The following ACTN4 variants were observed in gnomAD, a reference collection of about 807,000 sequenced individuals.
ACTN4 encodes actinin alpha 4, also known as alpha-actinin-4.
Under a neutral mutation model 114.2 loss-of-function variants are expected in ACTN4, and 18 were observed. The ratio of observed to expected loss-of-function variants is 0.16; its 90% CI spans 0.11 to 0.23. ACTN4 has a LOEUF of 0.23. ACTN4 is among the 10% of genes least tolerant of loss of function. The pLI is 1.00. For missense variants in ACTN4, 722 were observed against 1,262.9 expected (o/e 0.57, Z 6.49); for synonymous variants, 515 against 506.3 (o/e 1.02, Z -0.23).
intron 1 of ACTN4, among the ~76,000 whole-genome samples, chr19:38,673,528 CATATATACTT>C (rs1568689704): frequency 1.9e-4 from 12 of 63,196 alleles, no homozygotes; most frequent in African/African-American, 6.0e-4. Context: ...TATATATATT[CATATATACTT>C]ATATATATTT....
In ACTN4 at chr19:38,714,572, C is replaced by T. The variant is rs748766366; in HGVS notation, c.912+11C>T. The T allele has an allele frequency of 1.1e-5, 18 of 1,613,594 alleles. No homozygotes were observed. The highest frequency in any genetic ancestry group is 1.7e-5 in the Admixed American group (1 of 60,006). On this transcript the variant is annotated intron_variant, in intron 9 of 20. Coordinates refer to ENST00000252699, the MANE Select transcript of ACTN4 (RefSeq NM_004924.6). Reference sequence around the variant, plus strand: ...AAGCTGGCCAGCGACGTGAGTGTTCCCCCAGTGAAAGTCAGGGCCACCTCA... The same window carrying T: ...AAGCTGGCCAGCGACGTGAGTGTTCTCCCAGTGAAAGTCAGGGCCACCTCA...
At chr19:38,698,039 A>G (rs1002055055) in intron 1 of ACTN4, among the ~76,000 whole-genome samples, 2 of 152,184 alleles carry the variant, frequency 1.3e-5, no homozygotes, top group African/African-American at 4.8e-5. Context: ...GCAACATCCA[A>G]TAAGACTAAA....
chr19:38,699,828 G>A (rs1370549187), intron 1 of ACTN4, among the ~76,000 whole-genome samples: 3 of 152,124 alleles, frequency 2.0e-5, no homozygotes, highest in African/African-American at 7.2e-5. Flanking sequence ...GAGGGACGGG[G>A]GCATCTTGCT....
At chr19:38,678,489 G>C (rs1395199738) in intron 1 of ACTN4, among the ~76,000 whole-genome samples, 1 of 152,208 alleles carries the variant, frequency 6.6e-6, no homozygotes, top group Non-Finnish European at 1.5e-5. Context: ...TGCAATACCA[G>C]GGAAGGAAGG....
chr19:38,729,485 C>A lies in ACTN4; in HGVS notation c.*53C>A, dbSNP rs777152795. On this transcript the variant is annotated 3_prime_UTR_variant, in exon 21 of 21. Coordinates refer to ENST00000252699, the MANE Select transcript of ACTN4 (RefSeq NM_004924.6). ...CGACGGCCTCCAGGAGGGGCCTGGG[C>A]AGCCCCACAGTCCCATTCCTCCACT... 4.4e-6 allele frequency: 7 copies of A among 1,598,534 alleles called. No homozygotes were observed. The East Asian group carries it at 1.6e-4, about 36-fold the overall frequency.
Position 38,731,421 on chromosome 19 carries a change from CAG to C in ACTN4, c.*1990_*1991del. The C allele has an allele frequency of 3.3e-6, 2 of 608,194 alleles. No individual in the cohort carries two copies. The highest frequency in any genetic ancestry group is 3.7e-5 in the South Asian group (2 of 54,538). The allele number at this position is 608,194 out of a possible 1,614,324, so 37.7% of individuals were successfully genotyped here. A position where few individuals can be genotyped will look rare whatever the true frequency, so the allele number is the denominator to read the frequency against. ...TCCTCATCCATCAAACGGACTAAGA[CAG>C]CCCCGACCCCATAGGGTGTGTGAAG... On this transcript the variant is annotated 3_prime_UTR_variant, in exon 21 of 21. Coordinates refer to ENST00000252699, the MANE Select transcript of ACTN4 (RefSeq NM_004924.6).
intron 8 of ACTN4, among the ~76,000 whole-genome samples, chr19:38,712,581 G>A (rs1975845514): frequency 1.3e-5 from 2 of 152,050 alleles, no homozygotes; most frequent in Non-Finnish European, 2.9e-5. Context: ...CACCTCCTCA[G>A]CATGCGATTG....
At chr19:38,722,612 A>G (rs34717167) in intron 12 of ACTN4, among the ~76,000 whole-genome samples, 8,622 of 152,210 alleles carry the variant, frequency 0.057, 257 homozygotes, top group South Asian at 0.096. Context: ...CCGTGGGGCC[A>G]TCACAGCATT....
chr19:38,700,404 T>G (rs1466260976), intron 1 of ACTN4, among the ~76,000 whole-genome samples, 196 bp from the exon 2 acceptor site: 1 of 152,160 alleles, frequency 6.6e-6, no homozygotes, highest in Non-Finnish European at 1.5e-5. Context: ...GAGCCTCAGT[T>G]TCCTCACATC....
At chr19:38,654,936 CG>C (rs1178565953) in intron 1 of ACTN4, among the ~76,000 whole-genome samples, 5 of 152,068 alleles carry the variant, frequency 3.3e-5, no homozygotes, top group African/African-American at 1.2e-4. Context: ...AGTGAGTTTA[CG>C]TGGGATTTGC....
chr19:38,702,536 C>T (rs563642454), intron 3 of ACTN4, among the ~76,000 whole-genome samples: 27 of 152,370 alleles, frequency 1.8e-4, no homozygotes, highest in African/African-American at 6.3e-4. Flanking sequence ...TTACCAGCTG[C>T]ACCTGTACTT....
chr19:38,709,710 C>T (rs187746119), intron 7 of ACTN4, among the ~76,000 whole-genome samples: 66 of 152,216 alleles, frequency 4.3e-4, no homozygotes, highest in Non-Finnish European at 7.5e-4. Flanking sequence ...GATGAAGAAG[C>T]GTATGGGGAG....
chr19:38,723,795 C>A, intron 13 of ACTN4, 73 bp downstream of exon 13: 1 of 1,474,672 alleles, frequency 6.8e-7, no homozygotes, highest in South Asian at 1.2e-5. Flanking sequence ...TGGATAGTGT[C>A]CAGACCTGTG....
intron 1 of ACTN4, among the ~76,000 whole-genome samples, chr19:38,692,842 C>A (rs960119650): frequency 3.9e-5 from 6 of 152,186 alleles, no homozygotes; most frequent in African/African-American, 1.4e-4. Flanking sequence ...TCAGAGGCCA[C>A]AGCAGGCAAG....
At chr19:38,725,650 G>A (rs528515971) in intron 16 of ACTN4, 74 bp from the exon 17 acceptor site, 74 of 1,546,150 alleles carry the variant, frequency 4.8e-5, no homozygotes, top group East Asian at 1.2e-4. Context: ...CCAGCAGCGC[G>A]AGTGGGCTCC....
rs550398177 is a variant in ACTN4, at chr19:38,711,254, CT to C, written c.819+915del. On this transcript the variant is annotated intron_variant, in intron 8 of 20. Transcript: ENST00000252699. The stretch of plus-strand genomic sequence containing the variant: ...TTCACTCTCTCCTGCCTCTCTCTCT[CT>C]TTCTCTCTCTCTCTGTGCAGATATT... The C allele has an allele frequency of 9.9e-5, 98 of 990,346 alleles. 1 individual carries two copies. In the South Asian group the frequency reaches 3.2e-3, roughly 32 times the overall value. The allele number at this position is 990,346 out of a possible 1,614,324, so 61.3% of individuals were successfully genotyped here. A position where few individuals can be genotyped will look rare whatever the true frequency, so the allele number is the denominator to read the frequency against.
In ACTN4 at chr19:38,708,210, C is replaced by T. The variant is rs372567745; in HGVS notation, c.651+15C>T. ...AGCTGAGGAAGGTGAGTGTCTCCAG[C>T]TCCCCTTGATGGCCCACAGACGTGC... On this transcript the variant is annotated intron_variant, in intron 6 of 20. Transcript: ENST00000252699. The T allele has an allele frequency of 5.0e-6, 8 of 1,613,880 alleles. No homozygotes were observed. The highest frequency in any genetic ancestry group is 1.3e-5 in the African/African-American group (1 of 74,942).
At chr19:38,666,259 G>C (rs760112818) in intron 1 of ACTN4, among the ~76,000 whole-genome samples, 15 of 151,890 alleles carry the variant, frequency 9.9e-5, no homozygotes, top group Non-Finnish European at 1.8e-4. Flanking sequence ...AACCTAATAA[G>C]GCAAAAGAAT....
At position 38,729,441 on chromosome 19, in the gene ACTN4, A is replaced by C. The variant is rs757107648; in HGVS notation, c.*9A>C. The C allele has an allele frequency of 1.2e-6, 2 of 1,611,968 alleles. No individual in the cohort carries two copies. Among genetic ancestry groups the C allele is most frequent in the Admixed American group, 1.7e-5 (1 of 59,912 alleles). The stretch of plus-strand genomic sequence containing the variant: ...GCGAGAGCGACCTGTGAGGCCCCAG[A>C]GACCTGACCCAACACCCCCGACGGC... On this transcript the variant is annotated 3_prime_UTR_variant, in exon 21 of 21. Coordinates refer to ENST00000252699, the MANE Select transcript of ACTN4 (RefSeq NM_004924.6).
Sources: allele counts gnomAD v4.1 joint callset (sites outside exome capture counted in the v4.1 genomes callset), GRCh38; gene constraint gnomAD v4.1.1; transcripts MANE v1.5; gene names NCBI Gene and HGNC (gene_info 2026-07-23, HGNC 2026-07-21).